The following STX12 variants were observed in gnomAD, a reference collection of about 807,000 sequenced individuals.
STX12 encodes syntaxin-12.
A neutral mutation model predicts 42.2 loss-of-function variants in STX12; 17 were observed. The ratio of observed to expected loss-of-function variants is 0.40; its 90% CI spans 0.28 to 0.60. The LOEUF (loss-of-function observed/expected upper bound fraction) is 0.60. STX12 is among the 20% of genes least tolerant of loss of function. STX12 has a pLI of 0.39. For synonymous variants in STX12, 108 were observed against 116.7 expected (o/e 0.93, Z 0.48); for missense variants, 297 against 330.9 (o/e 0.90, Z 0.79).
At chr1:27,810,654 T>A (rs2088896471) in intron 5 of STX12, among the ~76,000 whole-genome samples, 1 of 152,236 alleles carries the variant, frequency 6.6e-6, no homozygotes, top group Non-Finnish European at 1.5e-5. Context: ...GGGTCTCTAC[T>A]CATTTATAAA....
intron 6 of STX12, among the ~76,000 whole-genome samples, chr1:27,815,373 A>G (rs995085852): frequency 5.3e-5 from 8 of 152,166 alleles, no homozygotes; most frequent in Admixed American, 2.0e-4. Context: ...AGTAATTTCC[A>G]AACTCTGACA....
At chr1:27,789,850 C>T (rs911652006) in intron 2 of STX12, among the ~76,000 whole-genome samples, 9 of 152,172 alleles carry the variant, frequency 5.9e-5, no homozygotes, top group Non-Finnish European at 1.5e-5. Flanking sequence ...GGTTCTTTCT[C>T]CTCTTGGGCA....
At chr1:27,788,726 C>T (rs1224644746) in intron 1 of STX12, among the ~76,000 whole-genome samples, 2 of 152,088 alleles carry the variant, frequency 1.3e-5, no homozygotes, top group East Asian at 1.9e-4. Context: ...AGTATATCTA[C>T]TAAGGCCAGG....
chr1:27,783,421 G>A (rs1490609786), intron 1 of STX12, among the ~76,000 whole-genome samples: 3 of 151,990 alleles, frequency 2.0e-5, no homozygotes, highest in African/African-American at 4.8e-5. Context: ...TGCAACCTCC[G>A]CTCCCGGGTT....
At chr1:27,782,447 G>A (rs998867351) in intron 1 of STX12, among the ~76,000 whole-genome samples, 2 of 152,146 alleles carry the variant, frequency 1.3e-5, no homozygotes, top group African/African-American at 2.4e-5. Context: ...TGCATATTCT[G>A]AAACTGGTAT....
In STX12 at chr1:27,778,137, C is replaced by CT. The variant is rs528631748; in HGVS notation, c.118+4718dup. On this transcript the variant is annotated intron_variant, in intron 1 of 8. Coordinates refer to ENST00000373943, the MANE Select transcript of STX12 (RefSeq NM_177424.3). ...TTAAAAGTCTGAGAGCATAGTTATTCTTTTTTCTAAACTGTTCAGCCACAG... is the reference window on the plus strand; with the variant it reads ...TTAAAAGTCTGAGAGCATAGTTATTCTTTTTTTCTAAACTGTTCAGCCACAG... 5.5e-3 allele frequency among the ~76,000 whole-genome samples: 840 copies of CT among 152,296 alleles called. 8 individuals are homozygous for CT. The Middle Eastern group carries it at 0.061, about 11-fold the overall frequency.
intron 8 of STX12, 29 bp downstream of exon 8, chr1:27,819,761 C>G: frequency 6.2e-7 from 1 of 1,601,044 alleles, no homozygotes. Flanking sequence ...GAAAGTCACT[C>G]TGTGTTGCAG....
At chr1:27,789,015 A>T (rs889512057) in intron 1 of STX12, among the ~76,000 whole-genome samples, 8 of 152,096 alleles carry the variant, frequency 5.3e-5, no homozygotes, top group South Asian at 2.1e-4. Flanking sequence ...CATCTCAAAA[A>T]AAAAAAATAA....
At chr1:27,821,142 A>G (rs543032182) in intron 8 of STX12, among the ~76,000 whole-genome samples, 1 of 151,666 alleles carries the variant, frequency 6.6e-6, no homozygotes, top group East Asian at 1.9e-4. Context: ...CATTGTGCAC[A>G]TGTACCCTAA....
At chr1:27,792,150 ATG>A (rs772012220) in intron 2 of STX12, among the ~76,000 whole-genome samples, 4 of 107,970 alleles carry the variant, frequency 3.7e-5, no homozygotes, top group African/African-American at 1.6e-4. Context: ...ATATCTATAT[ATG>A]TGTATCTATA....
chr1:27,782,169 A>G (rs6598903), intron 1 of STX12, among the ~76,000 whole-genome samples: 25,991 of 152,120 alleles, frequency 0.17, 5,940 homozygotes, highest in African/African-American at 0.52. Flanking sequence ...GTACAGTGGT[A>G]CCGTCATAGG....
intron 8 of STX12, among the ~76,000 whole-genome samples, chr1:27,821,030 G>C (rs563843973): frequency 2.5e-5 from 3 of 121,146 alleles, no homozygotes; most frequent in African/African-American, 6.2e-5. Flanking sequence ...GTTGTGGGGT[G>C]GGGGGAGGGA....
At chr1:27,819,305 A>G (rs1162499602) in intron 7 of STX12, among the ~76,000 whole-genome samples, 15 of 151,774 alleles carry the variant, frequency 9.9e-5, no homozygotes, top group Non-Finnish European at 1.5e-4. Flanking sequence ...GCAAAAATAA[A>G]AATATTATAA....
chr1:27,804,688 A>T (rs1472819541), intron 4 of STX12, among the ~76,000 whole-genome samples: 1 of 150,198 alleles, frequency 6.7e-6, no homozygotes, highest in Non-Finnish European at 1.5e-5. Flanking sequence ...GCAGGTGCCT[A>T]TAATCCCAGC....
chr1:27,781,961 T>G (rs914605076), intron 1 of STX12, among the ~76,000 whole-genome samples: 7 of 152,168 alleles, frequency 4.6e-5, no homozygotes, highest in African/African-American at 1.7e-4. Context: ...CATTTCATCC[T>G]CACAACAACC....
chr1:27,815,534 A>G (rs1027965529), intron 6 of STX12, among the ~76,000 whole-genome samples: 6 of 152,132 alleles, frequency 3.9e-5, no homozygotes, highest in African/African-American at 1.4e-4. Context: ...CTATACCATT[A>G]ATTCAGCCAT....
At chr1:27,775,402 G>T (rs1197271155) in intron 1 of STX12, among the ~76,000 whole-genome samples, 4 of 152,120 alleles carry the variant, frequency 2.6e-5, no homozygotes, top group Admixed American at 2.6e-4. Flanking sequence ...CCTACAAGTA[G>T]CTGGGACTAC....
At chr1:27,819,901 T>A in intron 8 of STX12, 169 bp downstream of exon 8, 2 of 549,926 alleles carry the variant, frequency 3.6e-6, no homozygotes, top group Non-Finnish European at 6.5e-6. Flanking sequence ...TGCAGATAGA[T>A]CTACAAAAAA....
chr1:27,817,393 G>C (rs745950663), intron 6 of STX12, among the ~76,000 whole-genome samples: 1 of 152,198 alleles, frequency 6.6e-6, no homozygotes, highest in Non-Finnish European at 1.5e-5. Context: ...AATCCCAGGG[G>C]AAAAGAGGCT....
Sources: allele counts gnomAD v4.1 joint callset (sites outside exome capture counted in the v4.1 genomes callset), GRCh38; gene constraint gnomAD v4.1.1; transcripts MANE v1.5; gene names NCBI Gene and HGNC (gene_info 2026-07-23, HGNC 2026-07-21).